GFRAL: variants seen among roughly 807,000 people sequenced by gnomAD.
The protein encoded by GFRAL is GDNF family receptor alpha-like.
In GFRAL, 36 loss-of-function variants were observed where a neutral mutation model predicts 45.4. The ratio of observed to expected loss-of-function variants is 0.79; its 90% CI spans 0.61 to 1.05. GFRAL has a LOEUF of 1.05. Among genes scored for constraint, GFRAL ranks in the 50% least tolerant of loss-of-function variants. GFRAL has a pLI of 0.00. For missense variants in GFRAL, 507 were observed against 467.5 expected, an observed-to-expected ratio of 1.08 and a Z score of -0.78; for synonymous variants, 166 against 154.1, an observed-to-expected ratio of 1.08 and a Z score of -0.57.
chr6:55,387,340 G>A (rs1182578121), intron 6 of GFRAL, among the ~76,000 whole-genome samples: 1 of 152,132 alleles, frequency 6.6e-6, no homozygotes, highest in African/African-American at 2.4e-5. Context: ...TTGGGGATAG[G>A]GTTAGTGCCA....
chr6:55,379,603 T>C (rs970917654), intron 6 of GFRAL, among the ~76,000 whole-genome samples: 2 of 151,458 alleles, frequency 1.3e-5, no homozygotes, highest in Admixed American at 6.6e-5. Context: ...ACACAAACTG[T>C]GGAATGGTTA....
intron 1 of GFRAL, 121 bp downstream of exon 1, chr6:55,327,697 A>C: frequency 1.1e-6 from 1 of 881,902 alleles, no homozygotes. Context: ...GTAAATTACA[A>C]ATTTATGCTT....
Position 55,331,829 on chromosome 6 carries a change from A to G in GFRAL, c.137A>G (p.Glu46Gly). The G allele has an allele frequency of 6.2e-7, 1 of 1,610,726 alleles. No individual in the cohort carries two copies. The highest frequency in any genetic ancestry group is 8.5e-7 in the Non-Finnish European group (1 of 1,178,774). The change falls in exon 2 of 9, where the codon GAA (glutamate) becomes GGA (glycine). Residue 46 changes from glutamate (E) to glycine (G), a missense_variant. Physicochemically the swap from Glu to Gly is moderately conservative, Grantham distance 98 (BLOSUM62 -2). Transcript: ENST00000340465. ...TGTAAACATGCTTGGAGAGTAATGG[A>G]AGATGCCTGCAATGATTCAGGTAAA... ...NGCKHAWRVM[E>G]DACNDSDPGD...
At chr6:55,349,001 T>C (rs879337445) in intron 3 of GFRAL, among the ~76,000 whole-genome samples, 1 of 152,018 alleles carries the variant, frequency 6.6e-6, no homozygotes, top group Non-Finnish European at 1.5e-5. Context: ...TGTTGGGATT[T>C]TATTAGATAT....
chr6:55,386,071 A>G (rs1042857826), intron 6 of GFRAL, among the ~76,000 whole-genome samples: 1 of 152,098 alleles, frequency 6.6e-6, no homozygotes, highest in Non-Finnish European at 1.5e-5. Context: ...CTAATACTAT[A>G]CTAAAATTTT....
At position 55,399,357 on chromosome 6, in the gene GFRAL, T is replaced by C. The variant is rs948221832; in HGVS notation, c.1049-12T>C. The C allele has an allele frequency of 1.3e-6, 2 of 1,599,032 alleles. No individual in the cohort carries two copies. Among genetic ancestry groups the C allele is most frequent in the African/African-American group, 2.7e-5 (2 of 74,634 alleles). On this transcript the variant is annotated splice_polypyrimidine_tract_variant and intron_variant, in intron 7 of 8. Transcript: ENST00000340465. ...CAGTGACTATTATTTCTTAATCTTT[T>C]TCTTTTTCTAGGAGAAGTAATCTAT...
chr6:55,339,488 G>C (rs1159744765), intron 3 of GFRAL, among the ~76,000 whole-genome samples: 1 of 152,066 alleles, frequency 6.6e-6, no homozygotes, highest in African/African-American at 2.4e-5. Context: ...AGGAGAGTAA[G>C]ACTGCCTGGG....
intron 6 of GFRAL, among the ~76,000 whole-genome samples, chr6:55,387,174 G>A (rs1174402568): frequency 1.3e-5 from 2 of 152,156 alleles, no homozygotes; most frequent in East Asian, 3.9e-4. Context: ...GAGAAGAAAG[G>A]AGCATTTAAG....
chr6:55,331,632 C>T (rs972502314), intron 1 of GFRAL, 83 bp from the exon 2 acceptor site: 2 of 1,269,584 alleles, frequency 1.6e-6, no homozygotes, highest in South Asian at 2.9e-5. Flanking sequence ...CATAATTCTG[C>T]TCTTTATCAT....
chr6:55,387,964 G>T (rs1027614360), intron 6 of GFRAL, among the ~76,000 whole-genome samples: 3 of 152,148 alleles, frequency 2.0e-5, no homozygotes, highest in African/African-American at 4.8e-5. Flanking sequence ...CTAGATAAAA[G>T]AATGTAGAAT....
intron 5 of GFRAL, 127 bp from the exon 6 acceptor site, chr6:55,358,760 CT>C: frequency 3.9e-6 from 3 of 773,418 alleles, no homozygotes; most frequent in Non-Finnish European, 6.1e-6. Flanking sequence ...CACAAATTTA[CT>C]TTTCAACTAT....
intron 6 of GFRAL, among the ~76,000 whole-genome samples, chr6:55,391,034 C>T (rs918527351): frequency 4.0e-5 from 6 of 151,896 alleles, no homozygotes; most frequent in South Asian, 2.1e-4. Flanking sequence ...TATCGCAATA[C>T]CCTTTTTATA....
chr6:55,333,563 G>A (rs139234137), intron 2 of GFRAL, among the ~76,000 whole-genome samples: 2 of 152,094 alleles, frequency 1.3e-5, no homozygotes, highest in Non-Finnish European at 2.9e-5. Flanking sequence ...AAGCTATTTT[G>A]AAATGCAGAA....
intron 8 of GFRAL, among the ~76,000 whole-genome samples, chr6:55,401,588 A>G (rs1202462621): frequency 6.6e-6 from 1 of 152,262 alleles, no homozygotes; most frequent in Non-Finnish European, 1.5e-5. Context: ...TTTTTAAAAA[A>G]TGATTACTTG....
chr6:55,395,962 A>C (rs1465275637), intron 6 of GFRAL, among the ~76,000 whole-genome samples: 1 of 152,170 alleles, frequency 6.6e-6, no homozygotes, highest in Non-Finnish European at 1.5e-5. Flanking sequence ...GTACAAGTTA[A>C]GATAAACAAG....
intron 6 of GFRAL, among the ~76,000 whole-genome samples, chr6:55,377,055 A>C (rs1562061336): frequency 6.6e-6 from 1 of 152,016 alleles, no homozygotes; most frequent in Admixed American, 6.6e-5. Flanking sequence ...AGCAGCCAAG[A>C]GTGAGCCATT....
intron 3 of GFRAL, among the ~76,000 whole-genome samples, chr6:55,338,501 A>G (rs1003414756): frequency 6.6e-6 from 1 of 152,170 alleles, no homozygotes; most frequent in African/African-American, 2.4e-5. Flanking sequence ...CTCAATTCTC[A>G]ATTCTTAATT....
rs1294339943 is a variant in GFRAL, at chr6:55,394,834, A to T, written c.953-4346A>T. 6.6e-5 allele frequency among the ~76,000 whole-genome samples: 10 copies of T among 152,106 alleles called. 1 individual carries two copies. Among genetic ancestry groups the T allele is most frequent in the East Asian group, 3.8e-4 (2 of 5,198 alleles). ...AAAAATTACACGTGGATCACTTTTT[A>T]AAAAATCTCCACTGTCTATTAATAG... On this transcript the variant is annotated intron_variant, in intron 6 of 8. Coordinates refer to ENST00000340465, the MANE Select transcript of GFRAL (RefSeq NM_207410.2).
chr6:55,351,903 A>G (rs954289737), intron 5 of GFRAL, among the ~76,000 whole-genome samples: 1 of 150,112 alleles, frequency 6.7e-6, no homozygotes, highest in Non-Finnish European at 1.5e-5. Context: ...CAGCTTTTTA[A>G]TTTTTTTTTT....
Sources: allele counts gnomAD v4.1 joint callset (sites outside exome capture counted in the v4.1 genomes callset), GRCh38; gene constraint gnomAD v4.1.1; transcripts MANE v1.5; gene names NCBI Gene and HGNC (gene_info 2026-07-23, HGNC 2026-07-21).